MITF: variants seen among roughly 807,000 people sequenced by gnomAD.
MITF encodes the protein microphthalmia-associated transcription factor.
Under a neutral mutation model 60.5 loss-of-function variants are expected in MITF, and 17 were observed. The ratio of observed to expected loss-of-function variants is 0.28; its 90% CI spans 0.19 to 0.42. The LOEUF (loss-of-function observed/expected upper bound fraction) is 0.42. Among genes scored for constraint, MITF ranks in the 10% least tolerant of loss-of-function variants. The pLI is 1.00. For missense variants in MITF, 622 were observed against 683.5 expected, an observed-to-expected ratio of 0.91 and a Z score of 1.00; for synonymous variants, 260 against 248.5, an observed-to-expected ratio of 1.05 and a Z score of -0.43.
At position 69,888,727 on chromosome 3, in the gene MITF, G is replaced by T. The variant is rs558566898; in HGVS notation, c.354+9344G>T. Reference sequence around the variant, plus strand: ...GGCTCTTAAACAAAAGCAATATTGTGCAGCGATGGAAATGCGCCCTCTTGT... The same window carrying T: ...GGCTCTTAAACAAAAGCAATATTGTTCAGCGATGGAAATGCGCCCTCTTGT... On this transcript the variant is annotated intron_variant, in intron 2 of 9. Coordinates refer to ENST00000352241, the MANE Select transcript of MITF (RefSeq NM_001354604.2). Among the ~76,000 whole-genome samples, 5 of 152,166 alleles carry T rather than the reference G, an allele frequency of 3.3e-5. 1 individual carries two copies. The South Asian group carries it at 1.0e-3, about 32-fold the overall frequency.
chr3:69,957,802 A>G (rs2066436968), intron 8 of MITF, among the ~76,000 whole-genome samples: 1 of 152,206 alleles, frequency 6.6e-6, no homozygotes. Flanking sequence ...TTGCGGGTTT[A>G]TAATCTGAAC....
chr3:69,837,739 T>C (rs1217792823), intron 1 of MITF, among the ~76,000 whole-genome samples: 1 of 152,216 alleles, frequency 6.6e-6, no homozygotes, highest in Non-Finnish European at 1.5e-5. Context: ...TTTATAGTCT[T>C]CATTGTTCCA....
chr3:69,941,309 C>A lies in MITF; in HGVS notation c.740C>A (p.Pro247His). ...YNEEILGLMD[P>H]ALQMANTLPV... ...GAGGAAATCTTGGGCTTGATGGATCCTGCTTTGCAAATGGCAAATACGGTA... is the reference window on the plus strand; with the variant it reads ...GAGGAAATCTTGGGCTTGATGGATCATGCTTTGCAAATGGCAAATACGGTA... Residue 247 changes from proline to histidine, a missense_variant, in exon 5 of 10, where the codon CCT (proline) becomes CAT (histidine). Around this residue, in one of 5 missense-constraint regions of MITF, gnomAD observed 215 missense variants for 224.8 expected, o/e 0.96. Transcript: ENST00000352241. 1 of 1,612,546 alleles carries A rather than the reference C, an allele frequency of 6.2e-7. No individual in the cohort carries two copies. The highest frequency in any genetic ancestry group is 8.5e-7 in the Non-Finnish European group (1 of 1,178,850).
chr3:69,818,932 A>G (rs1254767024), intron 1 of MITF, among the ~76,000 whole-genome samples: 1 of 152,146 alleles, frequency 6.6e-6, no homozygotes, highest in Non-Finnish European at 1.5e-5. Context: ...TTACTAATAC[A>G]CGTGTATGGA....
intron 2 of MITF, among the ~76,000 whole-genome samples, chr3:69,918,340 G>A (rs887375401): frequency 3.9e-5 from 6 of 152,082 alleles, no homozygotes; most frequent in East Asian, 1.9e-4. Flanking sequence ...GAGTCACCAC[G>A]CCTGGCCCAC....
At position 69,967,943 on chromosome 3, in the gene MITF, T is replaced by A. The variant is rs1444321927; in HGVS notation, c.*2695T>A. 1 of 233,422 alleles carries A rather than the reference T, an allele frequency of 4.3e-6. No individual in the cohort carries two copies. Among genetic ancestry groups the A allele is most frequent in the Non-Finnish European group, 8.5e-6 (1 of 117,942 alleles). The allele number at this position is 233,422 out of a possible 1,614,324, so 14.5% of individuals were successfully genotyped here. ...CAATGGAAATACCAAACCTTCTGAC[T>A]TTGCCAAAAAGCATACAAGCAACCT... On this transcript the variant is annotated 3_prime_UTR_variant, in exon 10 of 10. Coordinates refer to ENST00000352241, the MANE Select transcript of MITF (RefSeq NM_001354604.2).
intron 1 of MITF, among the ~76,000 whole-genome samples, chr3:69,836,540 A>T (rs1422052148): frequency 6.6e-6 from 1 of 152,224 alleles, no homozygotes; most frequent in Non-Finnish European, 1.5e-5. Context: ...AATGAACAAG[A>T]GAGTGAATAC....
At chr3:69,857,058 C>T (rs978001051) in intron 1 of MITF, among the ~76,000 whole-genome samples, 2 of 151,688 alleles carry the variant, frequency 1.3e-5, no homozygotes, top group Admixed American at 1.3e-4. Flanking sequence ...TATTGAGTGC[C>T]TTCTCTGTGT....
chr3:69,886,974 A>C (rs1362016886), intron 2 of MITF, among the ~76,000 whole-genome samples: 1 of 152,092 alleles, frequency 6.6e-6, no homozygotes, highest in Admixed American at 6.6e-5. Flanking sequence ...TTTTTGAAAT[A>C]ATTCAGTAGA....
intron 1 of MITF, among the ~76,000 whole-genome samples, chr3:69,822,863 C>T (rs1295688024): frequency 6.7e-6 from 1 of 150,360 alleles, no homozygotes; most frequent in Non-Finnish European, 1.5e-5. Context: ...TTATTGAGTA[C>T]TTTAGTTTGG....
chr3:69,858,041 T>C (rs2063949801), intron 1 of MITF, among the ~76,000 whole-genome samples: 1 of 152,136 alleles, frequency 6.6e-6, no homozygotes, highest in African/African-American at 2.4e-5. Flanking sequence ...TAGTAGTTTT[T>C]TTAGGCATTA....
chr3:69,811,921 G>A (rs57317066), intron 1 of MITF, among the ~76,000 whole-genome samples: 24,823 of 151,964 alleles, frequency 0.16, 2,160 homozygotes, highest in South Asian at 0.21. Flanking sequence ...TTTGTCCCTG[G>A]CCTGGTTCCA....
intron 1 of MITF, among the ~76,000 whole-genome samples, chr3:69,774,366 C>T (rs1163752492): frequency 1.3e-5 from 2 of 152,124 alleles, no homozygotes; most frequent in African/African-American, 4.8e-5. Flanking sequence ...TAATCTTCTC[C>T]CTTCCACCAG....
At chr3:69,740,419 G>A (rs1703486715) in intron 1 of MITF, among the ~76,000 whole-genome samples, 1 of 152,194 alleles carries the variant, frequency 6.6e-6, no homozygotes, top group Non-Finnish European at 1.5e-5. Context: ...GGGGGTTACT[G>A]GGAGTGTACC....
At chr3:69,827,677 C>G (rs991750159) in intron 1 of MITF, among the ~76,000 whole-genome samples, 10 of 152,120 alleles carry the variant, frequency 6.6e-5, no homozygotes, top group Non-Finnish European at 1.5e-4. Context: ...GTTTTAAACA[C>G]TTCCATTGAA....
intron 1 of MITF, among the ~76,000 whole-genome samples, chr3:69,837,851 A>C (rs995152274): frequency 2.2e-4 from 34 of 152,178 alleles, no homozygotes; most frequent in African/African-American, 8.0e-4. Flanking sequence ...TATGATCTCT[A>C]TTATCTCTAT....
intron 2 of MITF, among the ~76,000 whole-genome samples, chr3:69,908,634 G>T (rs1350677729): frequency 6.6e-6 from 1 of 152,174 alleles, no homozygotes; most frequent in Admixed American, 6.5e-5. Flanking sequence ...TGATGAACAT[G>T]TGGGATGAAT....
chr3:69,866,883 ATCT>A (rs370481145), intron 1 of MITF, among the ~76,000 whole-genome samples: 145 of 149,088 alleles, frequency 9.7e-4, no homozygotes, highest in African/African-American at 3.2e-3. Context: ...ATTAATGAAC[ATCT>A]TCTTTGCATT....
chr3:69,740,391 G>A (rs1438078092), intron 1 of MITF, among the ~76,000 whole-genome samples: 1 of 152,220 alleles, frequency 6.6e-6, no homozygotes, highest in African/African-American at 2.4e-5. Context: ...CTGCAGAGGG[G>A]AAATGAGCCT....
Sources: allele counts gnomAD v4.1 joint callset (sites outside exome capture counted in the v4.1 genomes callset), GRCh38; gene constraint gnomAD v4.1.1; regional missense constraint gnomAD v4.1.1; transcripts MANE v1.5; gene names NCBI Gene and HGNC (gene_info 2026-07-23, HGNC 2026-07-21).